Variants in RUFY3 observed in about 807,000 individuals in gnomAD.
The protein encoded by RUFY3 is RUN and FYVE domain containing 3, also known as protein RUFY3.
A neutral mutation model predicts 84.0 loss-of-function variants in RUFY3; 34 were observed. The ratio of observed to expected loss-of-function variants is 0.40; its 90% CI spans 0.31 to 0.54. RUFY3 has a LOEUF of 0.54. RUFY3 is among the 20% of genes least tolerant of loss of function. The pLI is 0.39. For synonymous variants in RUFY3, 242 were observed against 252.9 expected, an observed-to-expected ratio of 0.96 and a Z score of 0.41; for missense variants, 507 against 736.8, an observed-to-expected ratio of 0.69 and a Z score of 3.61.
At position 70,806,726 on chromosome 4, in the gene RUFY3, A is replaced by G; in HGVS notation, c.*67A>G. On this transcript the variant is annotated 3_prime_UTR_variant, in exon 18 of 18. Transcript: ENST00000381006. Reference sequence around the variant, plus strand: ...CCTCTGTACCTGTGTTTTAGCTGTCAGGATCTCATAGAGCCCAGTTCTTAG... The same window carrying G: ...CCTCTGTACCTGTGTTTTAGCTGTCGGGATCTCATAGAGCCCAGTTCTTAG... 1 of 1,571,096 alleles carries G rather than the reference A, an allele frequency of 6.4e-7. No homozygotes were observed. Among genetic ancestry groups the G allele is most frequent in the Non-Finnish European group, 8.7e-7 (1 of 1,149,368 alleles).
At chr4:70,746,810 A>G (rs1347585498) in intron 1 of RUFY3, among the ~76,000 whole-genome samples, 1 of 152,220 alleles carries the variant, frequency 6.6e-6, no homozygotes, top group East Asian at 1.9e-4. Flanking sequence ...GTTGCATACT[A>G]TATGATTCTA....
At position 70,722,233 on chromosome 4, in the gene RUFY3, G is replaced by T; in HGVS notation, c.-341G>T. 1 of 1,230,002 alleles carries T rather than the reference G, an allele frequency of 8.1e-7. No individual in the cohort carries two copies. The highest frequency in any genetic ancestry group is 1.0e-6 in the Non-Finnish European group (1 of 987,514). The allele number at this position is 1,230,002 out of a possible 1,614,324, so 76.2% of individuals were successfully genotyped here. Reference sequence around the variant, plus strand: ...AGCTAAGGCAGCATCAGCTGTGCGGGATTTAAAGCCTATAGCTCAGCTGAA... The same window carrying T: ...AGCTAAGGCAGCATCAGCTGTGCGGTATTTAAAGCCTATAGCTCAGCTGAA... On this transcript the variant is annotated 5_prime_UTR_variant, in exon 1 of 18. Coordinates refer to ENST00000381006, the MANE Select transcript of RUFY3 (RefSeq NM_001037442.4).
chr4:70,764,253 T>C lies in RUFY3; in HGVS notation c.471-222T>C, dbSNP rs540545770. Among the ~76,000 whole-genome samples, 23 of 152,350 alleles carry C rather than the reference T, an allele frequency of 1.5e-4. No homozygotes were observed. In the South Asian group the frequency reaches 2.3e-3, roughly 15 times the overall value. On this transcript the variant is annotated intron_variant, in intron 3 of 17. Transcript: ENST00000381006. Reference sequence around the variant, plus strand: ...TCCCAGAGGCTGTGTCTTCAAATTGTAGTTACATTCAGTAATTCTTTTTGA... The same window carrying C: ...TCCCAGAGGCTGTGTCTTCAAATTGCAGTTACATTCAGTAATTCTTTTTGA...
intron 1 of RUFY3, 42 bp downstream of exon 1, chr4:70,722,793 C>T: frequency 6.3e-7 from 1 of 1,580,442 alleles, no homozygotes; most frequent in Non-Finnish European, 8.7e-7. Context: ...CCAGCATCCT[C>T]ATTGTTATGG....
intron 1 of RUFY3, among the ~76,000 whole-genome samples, chr4:70,715,204 T>A (rs983154474): frequency 6.6e-6 from 1 of 152,186 alleles, no homozygotes; most frequent in African/African-American, 2.4e-5. Context: ...GAAATAATCA[T>A]GATCATTGAG....
chr4:70,728,234 A>G (rs1718619841), intron 1 of RUFY3, among the ~76,000 whole-genome samples: 2 of 152,230 alleles, frequency 1.3e-5, no homozygotes, highest in African/African-American at 2.4e-5. Flanking sequence ...ACAGTTGCGC[A>G]AAATCATCTG....
At chr4:70,711,255 G>C (rs527483396) in intron 1 of RUFY3, among the ~76,000 whole-genome samples, 1 of 151,856 alleles carries the variant, frequency 6.6e-6, no homozygotes, top group African/African-American at 2.4e-5. Flanking sequence ...CACCATGTCC[G>C]GCCTCAAGCA....
Position 70,722,767 on chromosome 4 carries a change from G to A in RUFY3, c.178+16G>A, listed in dbSNP as rs776039748. On this transcript the variant is annotated intron_variant, in intron 1 of 17. Transcript: ENST00000381006. ...ACCCATGAAGGTATGGTCAGATCCT[G>A]TCCGCTAGTATTTCACCAGCATCCT... 10 of 1,607,822 alleles carry A rather than the reference G, an allele frequency of 6.2e-6. No homozygotes were observed. Among genetic ancestry groups the A allele is most frequent in the Non-Finnish European group, 6.8e-6 (8 of 1,175,166 alleles).
chr4:70,720,439 C>T (rs537652780), upstream of RUFY3, among the ~76,000 whole-genome samples: 1 of 152,308 alleles, frequency 6.6e-6, no homozygotes, highest in East Asian at 1.9e-4. Flanking sequence ...CCGCCTTGGC[C>T]TCCCAAAGTG....
chr4:70,762,490 G>A (rs1259505716), intron 1 of RUFY3, 29 bp from the exon 2 acceptor site: 1 of 1,579,222 alleles, frequency 6.3e-7, no homozygotes, highest in East Asian at 2.3e-5. Flanking sequence ...CTAGTAACCA[G>A]CCTTCATCTT....
At chr4:70,734,735 C>T (rs138874570) in intron 1 of RUFY3, 45 of 190,034 alleles carry the variant, frequency 2.4e-4, no homozygotes, top group South Asian at 7.2e-4. Context: ...CCGTAACATA[C>T]TCTGCATAAA....
chr4:70,789,761 A>G (rs1300641957), intron 12 of RUFY3, 169 bp downstream of exon 12: 3 of 1,267,126 alleles, frequency 2.4e-6, no homozygotes, highest in East Asian at 3.6e-5. Flanking sequence ...CTAAGGTATG[A>G]CTGAAATGTT....
At chr4:70,806,483 T>A (rs760121342) in intron 17 of RUFY3, 33 bp from the exon 18 acceptor site, 1 of 1,612,228 alleles carries the variant, frequency 6.2e-7, no homozygotes, top group Non-Finnish European at 8.5e-7. Context: ...CTTGCTCATC[T>A]TCTATTCCCC....
Position 70,730,467 on chromosome 4 carries a change from G to A in RUFY3, c.178+7716G>A, listed in dbSNP as rs906299859. Among the ~76,000 whole-genome samples, 4 of 151,834 alleles carry A rather than the reference G, an allele frequency of 2.6e-5. No homozygotes were observed. The South Asian group carries it at 6.2e-4, about 24-fold the overall frequency. On this transcript the variant is annotated intron_variant, in intron 1 of 17. Coordinates refer to ENST00000381006, the MANE Select transcript of RUFY3 (RefSeq NM_001037442.4). ...AATAAACTGACATTTGGCCAGGCGC[G>A]GTGGCTCACACTTGTAATCCCAGCA...
At chr4:70,803,066 T>G (rs1049091139) in intron 16 of RUFY3, 83 bp downstream of exon 16, 1 of 1,002,254 alleles carries the variant, frequency 1.0e-6, no homozygotes, top group African/African-American at 1.6e-5. Flanking sequence ...TAAGGTAGCA[T>G]GGGCGGAAGA....
intron 1 of RUFY3, among the ~76,000 whole-genome samples, chr4:70,740,642 A>G (rs561413637): frequency 6.6e-6 from 1 of 152,222 alleles, no homozygotes; most frequent in Non-Finnish European, 1.5e-5. Flanking sequence ...ATTCTCATGA[A>G]TCTGTAATCC....
At chr4:70,784,751 T>C (rs767167781) in intron 9 of RUFY3, 45 bp from the exon 10 acceptor site, 47 of 1,367,966 alleles carry the variant, frequency 3.4e-5, no homozygotes, top group Non-Finnish European at 4.5e-5. Context: ...TAATTCTGTA[T>C]AGATTAAATC....
intron 12 of RUFY3, chr4:70,792,048 C>A: frequency 1.0e-6 from 1 of 985,382 alleles, no homozygotes; most frequent in Non-Finnish European, 1.2e-6. Context: ...CATCTTCTAC[C>A]TCTGCCGTTT....
intron 1 of RUFY3, among the ~76,000 whole-genome samples, chr4:70,730,403 C>A (rs1719039298): frequency 6.6e-6 from 1 of 151,958 alleles, no homozygotes. Flanking sequence ...TTTACAACAA[C>A]CTTTTGAGCC....
Sources: gnomAD v4.1 joint callset for allele counts (sites outside exome capture counted in the v4.1 genomes callset) on GRCh38, gnomAD v4.1.1 for gene constraint, MANE v1.5 for transcripts, NCBI Gene and HGNC (gene_info 2026-07-23, HGNC 2026-07-21) for gene names.